The following PAG1 variants were observed in gnomAD, a reference collection of about 807,000 sequenced individuals.
The protein encoded by PAG1 is phosphoprotein associated with glycosphingolipid-enriched microdomains 1.
A neutral mutation model predicts 31.7 loss-of-function variants in PAG1; 23 were observed. That is an observed-to-expected ratio of 0.73 (90% confidence interval 0.52 to 1.03). The LOEUF (loss-of-function observed/expected upper bound fraction) is 1.03. Ranked by LOEUF, PAG1 falls within the 50% of genes least tolerant of loss-of-function variation. The pLI is 0.00. For missense variants in PAG1, 473 were observed against 540.7 expected (o/e 0.87, Z 1.24); for synonymous variants, 214 against 210.3 (o/e 1.02, Z -0.15).
At chr8:81,011,638 A>G (rs1460051591) in intron 3 of PAG1, among the ~76,000 whole-genome samples, 2 of 152,212 alleles carry the variant, frequency 1.3e-5, no homozygotes, top group East Asian at 3.8e-4. Context: ...TCTTACTAAG[A>G]ATAGTACCAA....
intron 4 of PAG1, among the ~76,000 whole-genome samples, chr8:80,992,571 G>C (rs1383613211): frequency 6.6e-6 from 1 of 152,232 alleles, no homozygotes; most frequent in East Asian, 1.9e-4. Context: ...ACAGAGGAGA[G>C]AGAGAAGTAT....
chr8:80,975,060 T>C lies in PAG1; in HGVS notation c.*1484A>G, dbSNP rs945995337. 9.2e-5 allele frequency: 14 copies of C among 152,214 alleles called. No individual in the cohort carries two copies. Among genetic ancestry groups the C allele is most frequent in the Admixed American group, 3.9e-4 (6 of 15,284 alleles). The allele number at this position is 152,214 out of a possible 1,614,324, so 9.4% of individuals were successfully genotyped here. A position where few individuals can be genotyped will look rare whatever the true frequency, so the allele number is the denominator to read the frequency against. On this transcript the variant is annotated 3_prime_UTR_variant, in exon 9 of 9. Coordinates refer to ENST00000220597, the MANE Select transcript of PAG1 (RefSeq NM_018440.4). ...TTCATCACTGTTTTCTGAAAAAATATAATTAAACCTTAATGGAATTATGAC... is the reference window on the plus strand; with the variant it reads ...TTCATCACTGTTTTCTGAAAAAATACAATTAAACCTTAATGGAATTATGAC...
chr8:81,020,528 C>T (rs970361760), intron 3 of PAG1, among the ~76,000 whole-genome samples: 9 of 152,178 alleles, frequency 5.9e-5, no homozygotes, highest in African/African-American at 1.4e-4. Flanking sequence ...CAAGCTCTCT[C>T]TTGCCTGCCG....
chr8:80,993,106 T>C lies in PAG1; in HGVS notation c.122A>G (p.Asp41Gly), dbSNP rs760035686. Residue 41 changes from aspartate (D) to glycine (G), a missense_variant, in exon 4 of 9, where the codon GAC becomes GGC. By Grantham distance (94) the Asp-to-Gly change is moderately conservative. Coordinates refer to ENST00000220597, the MANE Select transcript of PAG1 (RefSeq NM_018440.4). ...TFLIFLCSSC[D>G]REKKPRQHSG... ...GTATATACACTCTGGTTCTCACCTG[T>C]CACAACTAGAGCACAGGAAGATGAG... 1 of 1,613,244 alleles carries C rather than the reference T, an allele frequency of 6.2e-7. No individual in the cohort carries two copies. The highest frequency in any genetic ancestry group is 8.5e-7 in the Non-Finnish European group (1 of 1,179,600).
At position 80,969,034 on chromosome 8, in the gene PAG1, T is replaced by C. The variant is rs1048244928; in HGVS notation, c.*7510A>G. The C allele has an allele frequency of 1.3e-5, 2 of 152,208 alleles. No individual in the cohort carries two copies. The highest frequency in any genetic ancestry group is 4.8e-5 in the African/African-American group (2 of 41,448). The allele number at this position is 152,208 out of a possible 1,614,324, so 9.4% of individuals were successfully genotyped here. On this transcript the variant is annotated 3_prime_UTR_variant, in exon 9 of 9. Transcript: ENST00000220597. ...TTAAAAAGTGTCAAGGTCGCAAGCA[T>C]ACTAGAATGCTCACAAATGTTTGCT...
Position 80,980,453 on chromosome 8 carries a change from G to T in PAG1, c.918C>A (p.Pro306=). The part of the protein sequence containing the change: ...SLSYKSREED[P]TLTEEEISAM... ...AACTTACCTCTTCTTCTGTGAGAGT[G>T]GGGTCTTCTTCCCGAGACTTGTATG... Residue 306 remains proline, a synonymous_variant, in exon 8 of 9, where the codon CCC becomes CCA. Coordinates refer to ENST00000220597, the MANE Select transcript of PAG1 (RefSeq NM_018440.4). 1.2e-6 allele frequency: 2 copies of T among 1,601,920 alleles called. No homozygotes were observed. The highest frequency in any genetic ancestry group is 1.3e-5 in the African/African-American group (1 of 74,848).
At position 80,974,166 on chromosome 8, in the gene PAG1, T is replaced by C. The variant is rs898657487; in HGVS notation, c.*2378A>G. 15 of 151,080 alleles carry C rather than the reference T, an allele frequency of 9.9e-5. No homozygotes were observed. Among genetic ancestry groups the C allele is most frequent in the African/African-American group, 3.6e-4 (15 of 41,246 alleles). The allele number at this position is 151,080 out of a possible 1,614,324, so 9.4% of individuals were successfully genotyped here. On this transcript the variant is annotated 3_prime_UTR_variant, in exon 9 of 9. Transcript: ENST00000220597. Reference sequence around the variant, plus strand: ...TTCTATAAAAAGTTTTTTTTTTTTTTTTTTTTTTACTTTAGAGATCATACC... The same window carrying C: ...TTCTATAAAAAGTTTTTTTTTTTTTCTTTTTTTTACTTTAGAGATCATACC...
At chr8:80,983,480 C>A (rs1336425417) in intron 7 of PAG1, among the ~76,000 whole-genome samples, 1 of 152,200 alleles carries the variant, frequency 6.6e-6, no homozygotes, top group African/African-American at 2.4e-5. Flanking sequence ...GTGTGGCACA[C>A]AGCAGGTGCT....
intron 2 of PAG1, among the ~76,000 whole-genome samples, chr8:81,033,557 A>G (rs1287419488): frequency 3.9e-5 from 6 of 152,030 alleles, no homozygotes; most frequent in Non-Finnish European, 1.5e-5. Context: ...GTCAAACATG[A>G]CCTCTCCCTG....
At position 80,972,115 on chromosome 8, in the gene PAG1, C is replaced by T. The variant is rs1807089924; in HGVS notation, c.*4429G>A. 6.6e-6 allele frequency: 1 copy of T among 152,190 alleles called. No individual in the cohort carries two copies. Among genetic ancestry groups the T allele is most frequent in the African/African-American group, 2.4e-5 (1 of 41,444 alleles). The allele number at this position is 152,190 out of a possible 1,614,324, so 9.4% of individuals were successfully genotyped here. A position where few individuals can be genotyped will look rare whatever the true frequency, so the allele number is the denominator to read the frequency against. Reference sequence around the variant, plus strand: ...TATTTGATATTAAAGACACATGTTCCTATTTTCACATCAGTCATTTATTAA... The same window carrying T: ...TATTTGATATTAAAGACACATGTTCTTATTTTCACATCAGTCATTTATTAA... On this transcript the variant is annotated 3_prime_UTR_variant, in exon 9 of 9. Coordinates refer to ENST00000220597, the MANE Select transcript of PAG1 (RefSeq NM_018440.4).
intron 2 of PAG1, among the ~76,000 whole-genome samples, chr8:81,057,773 A>G (rs1308953376): frequency 6.6e-6 from 1 of 152,222 alleles, no homozygotes; most frequent in African/African-American, 2.4e-5. Context: ...AATGTTTGGA[A>G]AAATAGTATC....
At chr8:80,987,759 C>T (rs1456798992) in intron 5 of PAG1, among the ~76,000 whole-genome samples, 15 of 152,112 alleles carry the variant, frequency 9.9e-5, no homozygotes, top group Non-Finnish European at 1.5e-5. Context: ...ACAATAACCA[C>T]TGACAATAAA....
chr8:81,067,272 C>G (rs1809023934), intron 2 of PAG1, among the ~76,000 whole-genome samples: 1 of 152,186 alleles, frequency 6.6e-6, no homozygotes, highest in South Asian at 2.1e-4. Context: ...CACAAGGAAA[C>G]TTTTTTCTTC....
intron 3 of PAG1, among the ~76,000 whole-genome samples, chr8:81,025,111 A>AT (rs1258733138): frequency 1.3e-5 from 2 of 151,932 alleles, no homozygotes; most frequent in African/African-American, 4.8e-5. Context: ...TAGCTTATTG[A>AT]TTTTCCCTCA....
intron 3 of PAG1, among the ~76,000 whole-genome samples, chr8:80,999,618 G>A (rs1460503686): frequency 6.6e-6 from 1 of 152,122 alleles, no homozygotes; most frequent in Non-Finnish European, 1.5e-5. Flanking sequence ...AGCATAACCT[G>A]GTCACTTTTT....
At chr8:81,092,936 G>A (rs1392198418) in intron 1 of PAG1, among the ~76,000 whole-genome samples, 1 of 152,126 alleles carries the variant, frequency 6.6e-6, no homozygotes, top group Non-Finnish European at 1.5e-5. Flanking sequence ...AACCTTCTTA[G>A]CTGCATGATA....
In PAG1 at chr8:81,010,418, T is replaced by C. The variant is rs568355578; in HGVS notation, c.-80-17111A>G. On this transcript the variant is annotated intron_variant, in intron 3 of 8. Transcript: ENST00000220597. ...TTCTCTGCATCCCTCAAAAGTTATA[T>C]GGCTATTGTAATTTATTATAGAAAT... Among the ~76,000 whole-genome samples the C allele has an allele frequency of 2.8e-3, 421 of 152,366 alleles. 4 individuals are homozygous for C. The highest frequency in any genetic ancestry group is 5.1e-3 in the Non-Finnish European group (346 of 68,024).
chr8:80,993,098 C>T lies in PAG1; in HGVS notation c.125+5G>A. On this transcript the variant is annotated splice_donor_5th_base_variant and intron_variant, in intron 4 of 8. Transcript: ENST00000220597. ...AGGCACAGGTATATACACTCTGGTT[C>T]TCACCTGTCACAACTAGAGCACAGG... 4 of 1,612,820 alleles carry T rather than the reference C, an allele frequency of 2.5e-6. No homozygotes were observed. Among genetic ancestry groups the T allele is most frequent in the Non-Finnish European group, 3.4e-6 (4 of 1,179,382 alleles).
At chr8:81,049,137 A>T (rs1441433311) in intron 2 of PAG1, among the ~76,000 whole-genome samples, 1 of 152,228 alleles carries the variant, frequency 6.6e-6, no homozygotes, top group Non-Finnish European at 1.5e-5. Context: ...AGAAGAGAGA[A>T]TAAAAGATAA....
Sources: gnomAD v4.1 joint callset for allele counts (sites outside exome capture counted in the v4.1 genomes callset) on GRCh38, gnomAD v4.1.1 for gene constraint, MANE v1.5 for transcripts, NCBI Gene and HGNC (gene_info 2026-07-23, HGNC 2026-07-21) for gene names.